Variants in MAP2K4 observed in about 807,000 individuals in gnomAD.
The protein encoded by MAP2K4 is dual specificity mitogen-activated protein kinase kinase 4.
In MAP2K4, 4 loss-of-function variants were observed where a neutral mutation model predicts 48.5. The observed-to-expected ratio is 0.08, with a 90% CI of 0.04 to 0.19. The LOEUF (loss-of-function observed/expected upper bound fraction) is 0.19, where lower values mean the gene tolerates loss of function less well. Ranked by LOEUF, MAP2K4 falls within the 10% of genes least tolerant of loss-of-function variation. MAP2K4 has a pLI of 1.00. For synonymous variants in MAP2K4, 166 were observed against 173.1 expected, an observed-to-expected ratio of 0.96 and a Z score of 0.32; for missense variants, 258 against 493.3, an observed-to-expected ratio of 0.52 and a Z score of 4.52.
At chr17:12,055,141 A>G (rs1438284369) in intron 2 of MAP2K4, 150 bp downstream of exon 2, 12 of 527,232 alleles carry the variant, frequency 2.3e-5, no homozygotes, top group Non-Finnish European at 3.6e-5. Flanking sequence ...CTGGAGTTCC[A>G]GTTAAATTGC....
intron 1 of MAP2K4, among the ~76,000 whole-genome samples, chr17:12,026,168 C>A (rs567208820): frequency 1.3e-5 from 2 of 152,186 alleles, no homozygotes; most frequent in South Asian, 4.1e-4. Flanking sequence ...TATTTTCTCA[C>A]ATTTTCCTTT....
At chr17:12,068,062 G>C (rs1367019511) in intron 2 of MAP2K4, among the ~76,000 whole-genome samples, 1 of 152,194 alleles carries the variant, frequency 6.6e-6, no homozygotes, top group Non-Finnish European at 1.5e-5. Context: ...CAAGTGGAAG[G>C]AATCGCATGT....
intron 3 of MAP2K4, among the ~76,000 whole-genome samples, chr17:12,092,256 T>C (rs1971587172): frequency 6.6e-6 from 1 of 152,204 alleles, no homozygotes; most frequent in African/African-American, 2.4e-5. Context: ...TTATCAATGG[T>C]TGTTGCTTCT....
intron 2 of MAP2K4, among the ~76,000 whole-genome samples, chr17:12,063,971 AGGGGGCG>A (rs981129990): frequency 1.2e-3 from 34 of 28,076 alleles, no homozygotes; most frequent in African/African-American, 2.8e-3. Context: ...AAATTCTGTC[AGGGGGCG>A]GGGGGCGGGG....
At chr17:12,120,039 TA>T (rs1202074643) in intron 7 of MAP2K4, among the ~76,000 whole-genome samples, 7 of 151,894 alleles carry the variant, frequency 4.6e-5, no homozygotes, top group Non-Finnish European at 1.0e-4. Context: ...TCAGAAAAAA[TA>T]ACTATTGGGT....
intron 1 of MAP2K4, among the ~76,000 whole-genome samples, chr17:12,039,142 G>T (rs1969696590): frequency 6.6e-6 from 1 of 152,214 alleles, no homozygotes; most frequent in Non-Finnish European, 1.5e-5. Context: ...GGCCTAGACA[G>T]ATACAAGGAA....
At chr17:12,140,623 G>T (rs1020458114) in intron 10 of MAP2K4, among the ~76,000 whole-genome samples, 2 of 152,128 alleles carry the variant, frequency 1.3e-5, no homozygotes, top group East Asian at 3.9e-4. Context: ...TTTCTCTTGG[G>T]CCTCTTTTGG....
intron 2 of MAP2K4, among the ~76,000 whole-genome samples, chr17:12,064,761 T>C (rs1329803564): frequency 6.6e-6 from 1 of 152,176 alleles, no homozygotes; most frequent in Non-Finnish European, 1.5e-5. Context: ...TGTAAGTGAA[T>C]GTTCATAGAA....
chr17:12,032,012 T>C (rs1969454713), intron 1 of MAP2K4, among the ~76,000 whole-genome samples: 1 of 152,118 alleles, frequency 6.6e-6, no homozygotes, highest in African/African-American at 2.4e-5. Flanking sequence ...TAAATATATA[T>C]GAAAAATAAA....
At chr17:12,139,511 CAAAT>C (rs1470017559) in intron 9 of MAP2K4, among the ~76,000 whole-genome samples, 2 of 152,120 alleles carry the variant, frequency 1.3e-5, no homozygotes, top group East Asian at 1.9e-4. Context: ...TATATGTACA[CAAAT>C]AATTTTATAC....
Position 12,068,755 on chromosome 17 carries a change from T to C in MAP2K4, c.219-12601T>C, listed in dbSNP as rs576985980. ...TATCAAAACATACATATATATATTA[T>C]ATATATATATAGCGTGTGTGTATAT... On this transcript the variant is annotated intron_variant, in intron 2 of 10. Coordinates refer to ENST00000353533, the MANE Select transcript of MAP2K4 (RefSeq NM_003010.4). Among the ~76,000 whole-genome samples, 27 of 148,334 alleles carry C rather than the reference T, an allele frequency of 1.8e-4. No individual in the cohort carries two copies. The East Asian group carries it at 4.5e-3, about 25-fold the overall frequency.
chr17:12,029,248 T>C (rs1425676045), intron 1 of MAP2K4, among the ~76,000 whole-genome samples: 1 of 152,186 alleles, frequency 6.6e-6, no homozygotes, highest in African/African-American at 2.4e-5. Flanking sequence ...AAAACCCTCA[T>C]GTAGCTTTAT....
rs183294069 is a variant in MAP2K4 at position 12,066,839 on chromosome 17, G to A, written c.218+11848G>A. 7.6e-3 allele frequency among the ~76,000 whole-genome samples: 1,160 copies of A among 152,312 alleles called. 12 individuals carry two copies. The highest frequency in any genetic ancestry group is 0.032 in the South Asian group (154 of 4,830). On this transcript the variant is annotated intron_variant, in intron 2 of 10. Coordinates refer to ENST00000353533, the MANE Select transcript of MAP2K4 (RefSeq NM_003010.4). ...CGAGTAGCTGGGACTACAGGCGCCCGCCACTGCGCCCGGCTAATTTTTTGT... is the reference window on the plus strand; with the variant it reads ...CGAGTAGCTGGGACTACAGGCGCCCACCACTGCGCCCGGCTAATTTTTTGT...
At chr17:12,138,767 A>G (rs552020375) in intron 9 of MAP2K4, among the ~76,000 whole-genome samples, 25 of 152,258 alleles carry the variant, frequency 1.6e-4, no homozygotes, top group African/African-American at 5.3e-4. Flanking sequence ...ATGAGAAGGA[A>G]ACGAGATTGG....
At chr17:12,035,779 G>A (rs540056005) in intron 1 of MAP2K4, among the ~76,000 whole-genome samples, 2 of 152,260 alleles carry the variant, frequency 1.3e-5, no homozygotes, top group Admixed American at 1.3e-4. Flanking sequence ...TCTGAGTACT[G>A]GCTGCTTCAA....
Position 12,068,715 on chromosome 17 carries a change from A to G in MAP2K4, c.219-12641A>G, listed in dbSNP as rs7213541. On this transcript the variant is annotated intron_variant, in intron 2 of 10. Transcript: ENST00000353533. The stretch of plus-strand genomic sequence containing the variant: ...AATATTTAAGTTTGAGGGACCTGTG[A>G]CATTTTATTAGGGATATCAAAACAT... Among the ~76,000 whole-genome samples, 335 of 151,884 alleles carry G rather than the reference A, an allele frequency of 2.2e-3. 3 individuals are homozygous for G. Among genetic ancestry groups the G allele is most frequent in the African/African-American group, 7.1e-3 (296 of 41,436 alleles).
At chr17:12,074,141 C>T (rs745678816) in intron 2 of MAP2K4, among the ~76,000 whole-genome samples, 12 of 152,278 alleles carry the variant, frequency 7.9e-5, no homozygotes, top group Admixed American at 2.0e-4. Flanking sequence ...CTATATTTAA[C>T]ATACTCTATC....
At chr17:12,111,817 G>A (rs1410738000) in intron 6 of MAP2K4, among the ~76,000 whole-genome samples, 1 of 70,062 alleles carries the variant, frequency 1.4e-5, no homozygotes, top group African/African-American at 4.4e-5. Context: ...TCCAAAGATG[G>A]GGTGGCTCAA....
chr17:12,055,329 G>C (rs535236477), intron 2 of MAP2K4, among the ~76,000 whole-genome samples: 2 of 152,154 alleles, frequency 1.3e-5, no homozygotes, highest in African/African-American at 4.8e-5. Flanking sequence ...TTCATTTACT[G>C]AATTTTTAAA....
Sources: allele counts gnomAD v4.1 joint callset (sites outside exome capture counted in the v4.1 genomes callset), GRCh38; gene constraint gnomAD v4.1.1; transcripts MANE v1.5; gene names NCBI Gene and HGNC (gene_info 2026-07-23, HGNC 2026-07-21).